CRISPLD2: variants seen among roughly 807,000 people sequenced by gnomAD.
CRISPLD2 encodes the protein cysteine-rich secretory protein LCCL domain-containing 2.
A neutral mutation model predicts 71.1 loss-of-function variants in CRISPLD2; 47 were observed. The ratio of observed to expected loss-of-function variants is 0.66; its 90% CI spans 0.52 to 0.84. The LOEUF is 0.84. Among genes scored for constraint, CRISPLD2 ranks in the 40% least tolerant of loss-of-function variants. The probability of loss-of-function intolerance (pLI) is 0.00; values close to 1 mark genes in which losing one functional copy is unlikely to be tolerated. For missense variants in CRISPLD2, 830 were observed against 651.1 expected (o/e 1.27, Z -2.99); for synonymous variants, 317 against 250.1 (o/e 1.27, Z -2.52).
intron 3 of CRISPLD2, among the ~76,000 whole-genome samples, chr16:84,846,766 G>C (rs796864329): frequency 6.6e-6 from 1 of 152,124 alleles, no homozygotes; most frequent in Admixed American, 6.5e-5. Flanking sequence ...GACCCCCGAG[G>C]CTTCCCTGTC....
chr16:84,876,816 G>C (rs1245120498), intron 11 of CRISPLD2, among the ~76,000 whole-genome samples: 1 of 152,148 alleles, frequency 6.6e-6, no homozygotes, highest in African/African-American at 2.4e-5. Flanking sequence ...AAAAGAAAAA[G>C]TTTACTTAGC....
intron 11 of CRISPLD2, among the ~76,000 whole-genome samples, chr16:84,876,906 C>G (rs1443547248): frequency 6.6e-6 from 1 of 152,240 alleles, no homozygotes; most frequent in Non-Finnish European, 1.5e-5. Context: ...GTTGTTTAAA[C>G]ACAACAAAAT....
intron 6 of CRISPLD2, among the ~76,000 whole-genome samples, chr16:84,857,249 G>T (rs1298096963): frequency 2.0e-5 from 3 of 152,214 alleles, no homozygotes; most frequent in Non-Finnish European, 2.9e-5. Context: ...CCCATTGGGC[G>T]ATGACAGAGG....
At chr16:84,904,903 G>C (rs1438899559) in intron 14 of CRISPLD2, among the ~76,000 whole-genome samples, 6 of 152,188 alleles carry the variant, frequency 3.9e-5, no homozygotes, top group Non-Finnish European at 8.8e-5. Context: ...TGGTTTGCTA[G>C]ATATGACGCC....
intron 1 of CRISPLD2, among the ~76,000 whole-genome samples, chr16:84,832,535 G>C (rs1315473315): frequency 6.6e-6 from 1 of 152,246 alleles, no homozygotes; most frequent in Non-Finnish European, 1.5e-5. Flanking sequence ...TCGACGCTTC[G>C]GCGGTGAACG....
At chr16:84,838,875 C>A in intron 2 of CRISPLD2, 140 bp downstream of exon 2, 1 of 1,090,446 alleles carries the variant, frequency 9.2e-7, no homozygotes, top group Non-Finnish European at 1.3e-6. Flanking sequence ...AGGGGAGGAT[C>A]CCGGCTCTGT....
rs138518275 is a variant in CRISPLD2 at position 84,849,391 on chromosome 16, C to G, written c.366C>G (p.Arg122=). The G allele has an allele frequency of 6.2e-7, 1 of 1,613,096 alleles. No homozygotes were observed. Among genetic ancestry groups the G allele is most frequent in the South Asian group, 1.1e-5 (1 of 91,022 alleles). The change falls in exon 4 of 15, where the codon CGC becomes CGG. Residue 122 remains arginine (R), a synonymous_variant. Transcript: ENST00000262424. ...QNLGAHWGRY[R]SPGFHVQSWY... is the part of the protein sequence containing the mutation. ...AGCGGTTTCTGCCCTGCAGGTATCG[C>G]TCTCCGGGGTTCCATGTGCAGTCCT... is the stretch of plus-strand genomic sequence containing the variant.
At chr16:84,889,732 G>A (rs910594208) in intron 14 of CRISPLD2, among the ~76,000 whole-genome samples, 4 of 150,526 alleles carry the variant, frequency 2.7e-5, no homozygotes, top group East Asian at 2.0e-4. Context: ...CTTGGCGTGC[G>A]TCCTTCCGGT....
chr16:84,850,489 C>T, intron 4 of CRISPLD2, 79 bp from the exon 5 acceptor site: 1 of 1,172,584 alleles, frequency 8.5e-7, no homozygotes, highest in Non-Finnish European at 1.3e-6. Flanking sequence ...GTGCCAGCAC[C>T]TTATACATCC....
At chr16:84,891,660 G>A (rs1296547818) in intron 14 of CRISPLD2, among the ~76,000 whole-genome samples, 2 of 152,240 alleles carry the variant, frequency 1.3e-5, no homozygotes, top group Non-Finnish European at 2.9e-5. Context: ...AGCGCAGCCA[G>A]CTGGGATTTG....
chr16:84,889,752 TTG>T (rs60555979), intron 14 of CRISPLD2, among the ~76,000 whole-genome samples: 4,687 of 139,090 alleles, frequency 0.034, 74 homozygotes, highest in East Asian at 0.064. Flanking sequence ...TTGTTTTTCT[TTG>T]TGTGTGTGTG....
chr16:84,830,622 G>A (rs1192373069), intron 1 of CRISPLD2, among the ~76,000 whole-genome samples: 3 of 151,906 alleles, frequency 2.0e-5, no homozygotes, highest in African/African-American at 7.3e-5. Flanking sequence ...AGAATTGCTT[G>A]AACCCAGGCG....
intron 2 of CRISPLD2, chr16:84,839,544 G>A (rs530720520): frequency 2.0e-5 from 3 of 153,596 alleles, no homozygotes; most frequent in East Asian, 3.8e-4. Context: ...ACCGGGAAAG[G>A]AGCTAACGGT....
At chr16:84,887,272 T>G (rs1442122578) in intron 13 of CRISPLD2, among the ~76,000 whole-genome samples, 1 of 152,164 alleles carries the variant, frequency 6.6e-6, no homozygotes, top group Non-Finnish European at 1.5e-5. Flanking sequence ...GGTGGTGGCC[T>G]CTGTCTCTAC....
chr16:84,897,004 C>T (rs910180834), intron 14 of CRISPLD2, among the ~76,000 whole-genome samples: 1 of 152,174 alleles, frequency 6.6e-6, no homozygotes, highest in Non-Finnish European at 1.5e-5. Flanking sequence ...GCAAGCTCTT[C>T]CTCCTCAGGT....
intron 14 of CRISPLD2, among the ~76,000 whole-genome samples, chr16:84,900,724 C>G (rs2071746214): frequency 6.6e-6 from 1 of 152,046 alleles, no homozygotes; most frequent in Non-Finnish European, 1.5e-5. Context: ...AGCAAAAAGT[C>G]CCATGGACAA....
At chr16:84,887,736 C>T (rs138787857) in intron 13 of CRISPLD2, among the ~76,000 whole-genome samples, 21 of 152,204 alleles carry the variant, frequency 1.4e-4, no homozygotes, top group Non-Finnish European at 2.1e-4. Flanking sequence ...ATTAGCCAGA[C>T]GTGGTGGTGC....
chr16:84,860,334 C>A (rs958759479), intron 6 of CRISPLD2, among the ~76,000 whole-genome samples: 6 of 152,206 alleles, frequency 3.9e-5, no homozygotes, highest in Non-Finnish European at 8.8e-5. Flanking sequence ...ATATCCATTC[C>A]CATGACTATT....
At chr16:84,888,178 C>G (rs1221686308) in intron 13 of CRISPLD2, among the ~76,000 whole-genome samples, 2 of 152,198 alleles carry the variant, frequency 1.3e-5, no homozygotes, top group Non-Finnish European at 2.9e-5. Flanking sequence ...GTTTTCTTGC[C>G]TTTTCCGGCT....
Sources: allele counts gnomAD v4.1 joint callset (sites outside exome capture counted in the v4.1 genomes callset), GRCh38; gene constraint gnomAD v4.1.1; transcripts MANE v1.5; gene names NCBI Gene and HGNC (gene_info 2026-07-23, HGNC 2026-07-21).